Variants in RAB31 observed in about 807,000 individuals in gnomAD.
The protein encoded by RAB31 is RAB31, member RAS oncogene family.
A neutral mutation model predicts 25.6 loss-of-function variants in RAB31; 21 were observed. That is an observed-to-expected ratio of 0.82 (90% CI 0.58 to 1.18). RAB31 has a LOEUF of 1.18. Among genes scored for constraint, RAB31 ranks in the 50% most tolerant of loss-of-function variants. RAB31 has a pLI of 0.00. For missense variants in RAB31, 196 were observed against 250.1 expected (o/e 0.78, Z 1.46); for synonymous variants, 87 against 84.0 (o/e 1.04, Z -0.20).
chr18:9,728,678 C>T (rs1369631991), intron 1 of RAB31, among the ~76,000 whole-genome samples: 1 of 152,070 alleles, frequency 6.6e-6, no homozygotes, highest in Non-Finnish European at 1.5e-5. Flanking sequence ...GCTGGGATTA[C>T]AGGTGTTTGC....
intron 5 of RAB31, among the ~76,000 whole-genome samples, chr18:9,831,111 C>G (rs1471289607): frequency 6.6e-6 from 1 of 152,196 alleles, no homozygotes; most frequent in East Asian, 1.9e-4. Context: ...GATAAACAGT[C>G]TGGACTTATG....
At chr18:9,723,414 C>T (rs1173130468) in intron 1 of RAB31, 1 of 152,068 alleles carries the variant, frequency 6.6e-6, no homozygotes, top group Non-Finnish European at 1.5e-5. Flanking sequence ...CAAAACAATT[C>T]ATTTGTTAGG....
intron 2 of RAB31, among the ~76,000 whole-genome samples, chr18:9,785,947 G>C (rs145662244): frequency 2.0e-4 from 31 of 152,250 alleles, no homozygotes; most frequent in African/African-American, 7.0e-4. Context: ...TGTAATCCCA[G>C]CTACTCAGGA....
intron 5 of RAB31, among the ~76,000 whole-genome samples, chr18:9,825,223 C>T (rs1038632062): frequency 7.9e-5 from 12 of 152,166 alleles, no homozygotes; most frequent in African/African-American, 1.9e-4. Flanking sequence ...AGTCTGTGTG[C>T]GAGCTGGGGC....
At chr18:9,789,316 C>G (rs924747431) in intron 2 of RAB31, among the ~76,000 whole-genome samples, 1 of 152,098 alleles carries the variant, frequency 6.6e-6, no homozygotes, top group South Asian at 2.1e-4. Flanking sequence ...TGTTCTGTAG[C>G]ACTGTAGGAT....
intron 1 of RAB31, among the ~76,000 whole-genome samples, chr18:9,736,053 T>C (rs538862917): frequency 4.3e-4 from 65 of 152,026 alleles, no homozygotes; most frequent in Non-Finnish European, 7.8e-4. Flanking sequence ...CCCCGGCTGG[T>C]CTGGAACTCC....
At chr18:9,747,223 A>G (rs1334545008) in intron 1 of RAB31, among the ~76,000 whole-genome samples, 1 of 152,210 alleles carries the variant, frequency 6.6e-6, no homozygotes, top group East Asian at 1.9e-4. Flanking sequence ...TCACTTTATA[A>G]CCACTAGGAT....
chr18:9,853,584 C>G (rs545599419), intron 6 of RAB31, among the ~76,000 whole-genome samples: 4 of 152,196 alleles, frequency 2.6e-5, no homozygotes, highest in African/African-American at 7.2e-5. Flanking sequence ...ACTGTTCTGT[C>G]TGATACTATA....
intron 5 of RAB31, among the ~76,000 whole-genome samples, chr18:9,817,977 G>A (rs2068607291): frequency 6.6e-6 from 1 of 152,198 alleles, no homozygotes; most frequent in Admixed American, 6.5e-5. Flanking sequence ...CTCCCTGGTA[G>A]TATCTTTTCT....
At chr18:9,848,718 T>C (rs1401582871) in intron 6 of RAB31, among the ~76,000 whole-genome samples, 5 of 151,984 alleles carry the variant, frequency 3.3e-5, no homozygotes, top group African/African-American at 9.7e-5. Context: ...GGAGAAAAAA[T>C]GCAATAAAAA....
intron 2 of RAB31, among the ~76,000 whole-genome samples, chr18:9,777,145 C>T (rs999775809): frequency 1.4e-5 from 2 of 143,188 alleles, no homozygotes; most frequent in African/African-American, 5.3e-5. Context: ...AGTTCAAGAC[C>T]AGCCTGGCCA....
At chr18:9,845,117 C>T (rs779227711) in intron 5 of RAB31, among the ~76,000 whole-genome samples, 2 of 152,190 alleles carry the variant, frequency 1.3e-5, no homozygotes, top group African/African-American at 2.4e-5. Context: ...TAACCATGCT[C>T]GTTTCCAAAC....
chr18:9,714,103 T>C (rs1048874066), intron 1 of RAB31, among the ~76,000 whole-genome samples: 1 of 152,174 alleles, frequency 6.6e-6, no homozygotes, highest in African/African-American at 2.4e-5. Context: ...AATGACACTG[T>C]TTTAGTGAGT....
At chr18:9,710,545 G>A (rs1271194707) in intron 1 of RAB31, among the ~76,000 whole-genome samples, 7 of 152,190 alleles carry the variant, frequency 4.6e-5, no homozygotes, top group Non-Finnish European at 1.0e-4. Context: ...TTTCTGGGCA[G>A]ACGGAGGCTT....
At chr18:9,791,978 G>A (rs780627955) in intron 2 of RAB31, among the ~76,000 whole-genome samples, 176 bp from the exon 3 acceptor site, 3 of 152,188 alleles carry the variant, frequency 2.0e-5, no homozygotes, top group Non-Finnish European at 4.4e-5. Context: ...AACAGAAAAT[G>A]AGAAATATTT....
Position 9,845,372 on chromosome 18 carries a change from T to C in RAB31, c.381-210T>C, listed in dbSNP as rs1299175250. 1.3e-5 allele frequency among the ~76,000 whole-genome samples: 2 copies of C among 152,234 alleles called. 1 individual carries two copies. The highest frequency in any genetic ancestry group is 2.9e-5 in the Non-Finnish European group (2 of 68,034). On this transcript the variant is annotated intron_variant, in intron 5 of 6. Coordinates refer to ENST00000578921, the MANE Select transcript of RAB31 (RefSeq NM_006868.4). Reference sequence around the variant, plus strand: ...GGGAGCAGGAACACTATTTTATATATGCATATCTTCTCTTCATGAATGCCA... The same window carrying C: ...GGGAGCAGGAACACTATTTTATATACGCATATCTTCTCTTCATGAATGCCA...
chr18:9,740,489 G>A (rs2068172579), intron 1 of RAB31, among the ~76,000 whole-genome samples: 1 of 152,208 alleles, frequency 6.6e-6, no homozygotes, highest in African/African-American at 2.4e-5. Flanking sequence ...CGAGGAAGGT[G>A]GATCACTTGA....
chr18:9,756,553 G>A (rs759924036), intron 1 of RAB31, among the ~76,000 whole-genome samples: 5 of 152,192 alleles, frequency 3.3e-5, no homozygotes, highest in African/African-American at 4.8e-5. Flanking sequence ...TCATATTTGT[G>A]AGTGGTCTGA....
chr18:9,794,972 C>T (rs1286628284), intron 3 of RAB31, among the ~76,000 whole-genome samples: 1 of 152,194 alleles, frequency 6.6e-6, no homozygotes, highest in South Asian at 2.1e-4. Context: ...GGAGGCATCA[C>T]ATTACCCGAC....
Sources: allele counts gnomAD v4.1 joint callset (sites outside exome capture counted in the v4.1 genomes callset), GRCh38; gene constraint gnomAD v4.1.1; transcripts MANE v1.5; gene names NCBI Gene and HGNC (gene_info 2026-07-23, HGNC 2026-07-21).